Variants in LINGO2 observed in about 807,000 individuals in gnomAD.
LINGO2 encodes the protein leucine-rich repeat and immunoglobulin-like domain-containing nogo receptor-interacting protein 2.
In LINGO2, 14 loss-of-function variants were observed where a neutral mutation model predicts 30.6. That is an observed-to-expected ratio of 0.46 (90% CI 0.30 to 0.72). The LOEUF (loss-of-function observed/expected upper bound fraction) is 0.72, where lower values mean the gene tolerates loss of function less well. Among genes scored for constraint, LINGO2 ranks in the 30% least tolerant of loss-of-function variants. LINGO2 has a pLI of 0.07. For synonymous variants in LINGO2, 317 were observed against 288.5 expected (o/e 1.10, Z -1.00); for missense variants, 729 against 751.7 (o/e 0.97, Z 0.35).
the LINGO2 span, among the ~76,000 whole-genome samples, chr9:29,109,267 G>C: frequency 6.6e-6 from 1 of 152,076 alleles, no homozygotes; most frequent in African/African-American, 2.4e-5. Flanking sequence ...AGTAGTCTTT[G>C]CTTCTTTAGA....
At chr9:28,524,307 A>C (rs1820932920) in intron 1 of LINGO2, among the ~76,000 whole-genome samples, 1 of 152,226 alleles carries the variant, frequency 6.6e-6, no homozygotes, top group African/African-American at 2.4e-5. Flanking sequence ...GAAAGAGCAA[A>C]AGCTATAAGA....
At chr9:28,470,275 A>C (rs1825469471) in intron 2 of LINGO2, among the ~76,000 whole-genome samples, 3 of 152,248 alleles carry the variant, frequency 2.0e-5, no homozygotes, top group African/African-American at 4.8e-5. Context: ...AAATAAAACA[A>C]AGAAAAACGT....
At chr9:28,442,302 A>T (rs1263577720) in intron 2 of LINGO2, among the ~76,000 whole-genome samples, 1 of 152,072 alleles carries the variant, frequency 6.6e-6, no homozygotes, top group Non-Finnish European at 1.5e-5. Flanking sequence ...CCTACCACCA[A>T]GACATAACCA....
intron 4 of LINGO2, among the ~76,000 whole-genome samples, chr9:28,254,719 A>T (rs1441321862): frequency 6.6e-6 from 1 of 152,110 alleles, no homozygotes; most frequent in Non-Finnish European, 1.5e-5. Context: ...GAAGGCTCTC[A>T]CTCAAACAAC....
chr9:28,768,114 G>A, the LINGO2 span, among the ~76,000 whole-genome samples: 1 of 152,186 alleles, frequency 6.6e-6, no homozygotes. Context: ...CATTATAAAA[G>A]AGTGACTATC....
chr9:28,943,398 A>T, the LINGO2 span, among the ~76,000 whole-genome samples: 1 of 152,124 alleles, frequency 6.6e-6, no homozygotes, highest in Non-Finnish European at 1.5e-5. Flanking sequence ...CTGCAAGCAA[A>T]ATGAGGATAG....
At chr9:28,057,815 T>A (rs765770650) in intron 4 of LINGO2, among the ~76,000 whole-genome samples, 1 of 151,950 alleles carries the variant, frequency 6.6e-6, no homozygotes, top group Non-Finnish European at 1.5e-5. Flanking sequence ...CTCTTCCGGC[T>A]ACCCTTCACC....
intron 2 of LINGO2, among the ~76,000 whole-genome samples, chr9:28,438,849 T>TATAA (rs1402382742): frequency 1.4e-3 from 205 of 144,342 alleles, no homozygotes; most frequent in Middle Eastern, 3.7e-3. Flanking sequence ...TATATATATA[T>TATAA]AATGAGATAT....
At chr9:29,189,866 G>C in the LINGO2 span, among the ~76,000 whole-genome samples, 1,495 of 151,574 alleles carry the variant, frequency 9.9e-3, 49 homozygotes, top group African/African-American at 0.034. Context: ...ACGAAAACCA[G>C]TCAGGCGTGG....
At chr9:28,362,403 TTGAG>T (rs1293696309) in intron 3 of LINGO2, among the ~76,000 whole-genome samples, 2 of 151,562 alleles carry the variant, frequency 1.3e-5, no homozygotes, top group South Asian at 2.1e-4. Flanking sequence ...AGAACAAAGA[TTGAG>T]TAACAGAAGA....
At chr9:28,810,180 T>G in the LINGO2 span, among the ~76,000 whole-genome samples, 1 of 152,180 alleles carries the variant, frequency 6.6e-6, no homozygotes, top group Non-Finnish European at 1.5e-5. Context: ...TCATCCAGTG[T>G]ATAGAACTAT....
the LINGO2 span, among the ~76,000 whole-genome samples, chr9:28,926,868 T>A: frequency 6.6e-6 from 1 of 152,294 alleles, no homozygotes; most frequent in Non-Finnish European, 1.5e-5. Context: ...CCTGCCCACC[T>A]TTTCATGGCT....
At chr9:28,846,457 G>A in the LINGO2 span, among the ~76,000 whole-genome samples, 7 of 127,418 alleles carry the variant, frequency 5.5e-5, 1 homozygote, top group African/African-American at 2.2e-4. Flanking sequence ...CAGTTTCTGA[G>A]AATTTCCCCT....
At chr9:28,915,802 G>C in the LINGO2 span, among the ~76,000 whole-genome samples, 1 of 152,130 alleles carries the variant, frequency 6.6e-6, no homozygotes, top group East Asian at 1.9e-4. Flanking sequence ...TGTCCTGAGA[G>C]TTTAGAATCT....
the LINGO2 span, among the ~76,000 whole-genome samples, chr9:29,106,728 A>C: frequency 6.6e-6 from 1 of 152,160 alleles, no homozygotes; most frequent in Non-Finnish European, 1.5e-5. Flanking sequence ...GTGATGTCAT[A>C]TATCCTTTAT....
chr9:27,960,622 T>C (rs1193444863), intron 5 of LINGO2, among the ~76,000 whole-genome samples: 2 of 145,610 alleles, frequency 1.4e-5, no homozygotes, highest in Non-Finnish European at 2.9e-5. Context: ...ATCTTTTTTT[T>C]TTTTTTTTTT....
At chr9:27,955,522 A>C (rs1303608946) in intron 5 of LINGO2, among the ~76,000 whole-genome samples, 2 of 152,196 alleles carry the variant, frequency 1.3e-5, no homozygotes, top group African/African-American at 2.4e-5. Context: ...ACTATAGATT[A>C]GTATTCATTT....
chr9:29,155,542 C>G, the LINGO2 span, among the ~76,000 whole-genome samples: 2 of 143,958 alleles, frequency 1.4e-5, no homozygotes, highest in African/African-American at 5.2e-5. Context: ...TTTTAGAAAA[C>G]TGTGAGGGTT....
At chr9:28,679,159 A>G in the LINGO2 span, among the ~76,000 whole-genome samples, 1 of 152,012 alleles carries the variant, frequency 6.6e-6, no homozygotes, top group Non-Finnish European at 1.5e-5. Context: ...TTCTTTCATT[A>G]CTGGCAAATT....
Sources: gnomAD v4.1 joint callset for allele counts (sites outside exome capture counted in the v4.1 genomes callset) on GRCh38, gnomAD v4.1.1 for gene constraint, MANE v1.5 for transcripts, NCBI Gene and HGNC (gene_info 2026-07-23, HGNC 2026-07-21) for gene names.